Variants in TSPAN8 observed in about 807,000 individuals in gnomAD.
The protein encoded by TSPAN8 is tetraspanin 8, also known as tetraspanin-8.
A neutral mutation model predicts 32.8 loss-of-function variants in TSPAN8; 21 were observed. The observed-to-expected ratio is 0.64, with a 90% CI of 0.45 to 0.92. The LOEUF (loss-of-function observed/expected upper bound fraction) is 0.92. TSPAN8 is among the 40% of genes least tolerant of loss of function. TSPAN8 has a pLI of 0.00. For synonymous variants in TSPAN8, 95 were observed against 94.6 expected, an observed-to-expected ratio of 1.00 and a Z score of -0.03; for missense variants, 269 against 281.9, an observed-to-expected ratio of 0.95 and a Z score of 0.33.
At chr12:71,136,387 G>A (rs1176506506) in intron 6 of TSPAN8, among the ~76,000 whole-genome samples, 3 of 152,126 alleles carry the variant, frequency 2.0e-5, no homozygotes, top group Non-Finnish European at 2.9e-5. Context: ...TTCATTTGAG[G>A]GTAGATGACC....
In TSPAN8 at chr12:71,145,808, CATA is replaced by C. The variant is rs370396415; in HGVS notation, c.61-1598_61-1596del. ...TTTCTTCTCTTTTCACAAGCAGATT[CATA>C]ATGATTGGCTTAATAGTCATTCTGG... is the stretch of plus-strand genomic sequence containing the variant. On this transcript the variant is annotated intron_variant, in intron 2 of 8. Transcript: ENST00000247829. Among the ~76,000 whole-genome samples, 471 of 152,250 alleles carry C rather than the reference CATA, an allele frequency of 3.1e-3. 1 individual carries two copies. The highest frequency in any genetic ancestry group is 0.01 in the African/African-American group (427 of 41,546).
At chr12:71,154,354 A>AATAATCATC (rs201799092) in intron 2 of TSPAN8, among the ~76,000 whole-genome samples, 5 of 145,338 alleles carry the variant, frequency 3.4e-5, no homozygotes, top group African/African-American at 1.3e-4. Flanking sequence ...TAATAATAAT[A>AATAATCATC]ATCAGAGCTC....
intron 2 of TSPAN8, among the ~76,000 whole-genome samples, chr12:71,146,033 T>C (rs1872066571): frequency 6.6e-6 from 1 of 152,182 alleles, no homozygotes; most frequent in South Asian, 2.1e-4. Context: ...AGATCATTCA[T>C]AAATCTTATT....
chr12:71,151,345 G>A (rs1872249604), intron 2 of TSPAN8, among the ~76,000 whole-genome samples: 1 of 152,162 alleles, frequency 6.6e-6, no homozygotes, highest in Non-Finnish European at 1.5e-5. Flanking sequence ...TTACAGGCAT[G>A]AGCCACCGCG....
chr12:71,132,618 T>A (rs759732327), intron 7 of TSPAN8, 75 bp downstream of exon 7: 11 of 1,539,634 alleles, frequency 7.1e-6, no homozygotes, highest in Non-Finnish European at 9.6e-6. Context: ...TGCATTTTAA[T>A]TTTTTGTAGG....
intron 6 of TSPAN8, among the ~76,000 whole-genome samples, chr12:71,137,490 C>T (rs934175927): frequency 3.9e-5 from 6 of 151,902 alleles, no homozygotes; most frequent in Admixed American, 3.9e-4. Flanking sequence ...GTCTCAGCTA[C>T]TCAGGAGGCT....
intron 3 of TSPAN8, among the ~76,000 whole-genome samples, chr12:71,142,829 A>G (rs1343073721): frequency 2.3e-5 from 3 of 132,488 alleles, no homozygotes; most frequent in African/African-American, 8.6e-5. Context: ...ACAACAGGAG[A>G]GAGAGAGAGG....
chr12:71,126,083 T>C (rs909124355), intron 8 of TSPAN8, among the ~76,000 whole-genome samples: 76 of 152,114 alleles, frequency 5.0e-4, no homozygotes, highest in African/African-American at 1.7e-3. Flanking sequence ...GTAGAAATGA[T>C]AGACAGGACC....
At chr12:71,147,818 A>G (rs906531570) in intron 2 of TSPAN8, among the ~76,000 whole-genome samples, 5 of 152,216 alleles carry the variant, frequency 3.3e-5, no homozygotes, top group African/African-American at 1.2e-4. Flanking sequence ...TTTATTAGAA[A>G]TTTAGTAAAT....
rs150570864 is a variant in TSPAN8 at position 71,129,366 on chromosome 12, C to A, written c.625G>T (p.Val209Phe). 231 of 1,583,846 alleles carry A rather than the reference C, an allele frequency of 1.5e-4. No individual in the cohort carries two copies. Among genetic ancestry groups the A allele is most frequent in the Admixed American group, 1.4e-4 (8 of 55,470 alleles). ...KDFLAKNLIIVIGISFGLAVI... is the reference protein window; with the variant it reads ...KDFLAKNLIIFIGISFGLAVI... ...GCCAGTCCAAATGATATTCCAATAACTATAATCAAATTTTTTGCCAAGAAG... is the reference window on the plus strand; with the variant it reads ...GCCAGTCCAAATGATATTCCAATAAATATAATCAAATTTTTTGCCAAGAAG... The change falls in exon 8 of 9, where the codon GTT (valine) becomes TTT (phenylalanine). Residue 209 changes from valine to phenylalanine, a missense_variant. Physicochemically the swap from Val to Phe is conservative, Grantham distance 50. Coordinates refer to ENST00000247829, the MANE Select transcript of TSPAN8 (RefSeq NM_004616.3).
intron 6 of TSPAN8, among the ~76,000 whole-genome samples, chr12:71,134,046 G>T (rs1055274465): frequency 2.6e-5 from 4 of 152,116 alleles, no homozygotes. Flanking sequence ...TAATAAATGT[G>T]TAATAAAATC....
At chr12:71,129,257 C>G in intron 8 of TSPAN8, 74 bp downstream of exon 8, 17 of 1,261,240 alleles carry the variant, frequency 1.3e-5, no homozygotes, top group East Asian at 9.4e-5. Flanking sequence ...TTTGTTTGTT[C>G]ACCATCAATA....
rs1210383761 is a variant in TSPAN8, at chr12:71,144,148, T to G, written c.123+3A>C. On this transcript the variant is annotated splice_donor_region_variant and intron_variant, in intron 3 of 8. Transcript: ENST00000247829. ...AAAGGGTGACTTGTTTTTGCATACT[T>G]ACTGCTTGAGAGTCATTGCTTACTC... is the stretch of plus-strand genomic sequence containing the variant. 1.9e-6 allele frequency: 3 copies of G among 1,610,378 alleles called. No individual in the cohort carries two copies. The highest frequency in any genetic ancestry group is 2.5e-6 in the Non-Finnish European group (3 of 1,178,266).
intron 8 of TSPAN8, among the ~76,000 whole-genome samples, chr12:71,126,154 G>A (rs1871343889): frequency 6.6e-6 from 1 of 152,124 alleles, no homozygotes; most frequent in Non-Finnish European, 1.5e-5. Flanking sequence ...GGAGGATGGA[G>A]GAAGGCAAAG....
chr12:71,153,060 C>G lies in TSPAN8; in HGVS notation c.60+4559G>C, dbSNP rs185950136. ...TTTGGGATTGATAGTGTACCTCATT[C>G]TTCTTTCCCTCATTAAGAACTGGCC... On this transcript the variant is annotated intron_variant, in intron 2 of 8. Transcript: ENST00000247829. 1.8e-3 allele frequency among the ~76,000 whole-genome samples: 267 copies of G among 152,278 alleles called. 1 individual carries two copies. The highest frequency in any genetic ancestry group is 2.9e-3 in the Admixed American group (45 of 15,298).
rs1415165652 is a variant in TSPAN8 at position 71,137,995 on chromosome 12, A to G, written c.402T>C (p.Ser134=). 6.2e-7 allele frequency: 1 copy of G among 1,613,790 alleles called. No individual in the cohort carries two copies. Among genetic ancestry groups the G allele is most frequent in the Admixed American group, 1.7e-5 (1 of 59,944 alleles). Residue 134 remains serine, a synonymous_variant, in exon 6 of 9, where the codon AGT becomes AGC. Transcript: ENST00000247829. ...TTATGGCTTCCTGGAATTGTTTTTC[A>G]CTTTCCCCTGTGGCGCTCAAAAGCT... ...NTKLLSATGE[S]EKQFQEAIIV...
intron 7 of TSPAN8, among the ~76,000 whole-genome samples, chr12:71,131,833 G>T (rs1871526836): frequency 6.6e-6 from 1 of 151,828 alleles, no homozygotes; most frequent in South Asian, 2.1e-4. Flanking sequence ...GTGAGATGGG[G>T]TCCCATAACA....
At chr12:71,139,207 C>A (rs1341935817) in intron 4 of TSPAN8, 1 of 457,000 alleles carries the variant, frequency 2.2e-6, no homozygotes, top group Non-Finnish European at 4.4e-6. Context: ...TCCTGCCATA[C>A]CCAAGGCTTC....
intron 7 of TSPAN8, among the ~76,000 whole-genome samples, chr12:71,132,449 C>G (rs904135165): frequency 6.6e-6 from 1 of 152,062 alleles, no homozygotes; most frequent in African/African-American, 2.4e-5. Flanking sequence ...ACTTTGCCTC[C>G]CATTGCAGTA....
Sources: gnomAD v4.1 joint callset for allele counts (sites outside exome capture counted in the v4.1 genomes callset) on GRCh38, gnomAD v4.1.1 for gene constraint, MANE v1.5 for transcripts, NCBI Gene and HGNC (gene_info 2026-07-23, HGNC 2026-07-21) for gene names.